The following SLC24A2 variants were observed in gnomAD, a reference collection of about 807,000 sequenced individuals.
SLC24A2 encodes sodium/potassium/calcium exchanger 2.
SLC24A2 carries 36 observed loss-of-function variants against 62.0 expected under a neutral mutation model. That is an observed-to-expected ratio of 0.58 (90% CI 0.44 to 0.77). The LOEUF (loss-of-function observed/expected upper bound fraction) is 0.77. Among genes scored for constraint, SLC24A2 ranks in the 30% least tolerant of loss-of-function variants. SLC24A2 has a pLI of 0.00. For missense variants in SLC24A2, 846 were observed against 817.9 expected (o/e 1.03, Z -0.42); for synonymous variants, 358 against 294.0 (o/e 1.22, Z -2.23).
At chr9:19,720,549 T>C (rs1820992417) in intron 2 of SLC24A2, among the ~76,000 whole-genome samples, 1 of 152,148 alleles carries the variant, frequency 6.6e-6, no homozygotes, top group Admixed American at 6.5e-5. Context: ...TCCCTGAGCG[T>C]TGTTAAACTG....
At chr9:19,611,828 G>C (rs1031981462) in intron 4 of SLC24A2, among the ~76,000 whole-genome samples, 2 of 152,156 alleles carry the variant, frequency 1.3e-5, no homozygotes, top group African/African-American at 4.8e-5. Context: ...GACTCTAACT[G>C]GGCTCTACTA....
Position 19,509,253 on chromosome 9 carries a change from C to G in SLC24A2, c.*6900G>C, listed in dbSNP as rs976707968. On this transcript the variant is annotated 3_prime_UTR_variant, in exon 11 of 11. Transcript: ENST00000341998. ...AACTTGCTAAAGAAACTGTAATAAG[C>G]TATTTTGAAAACGAAGACTGCTTTT... The G allele has an allele frequency of 2.0e-4, 30 of 152,212 alleles. No homozygotes were observed. Among genetic ancestry groups the G allele is most frequent in the African/African-American group, 7.0e-4 (29 of 41,532 alleles). The allele number at this position is 152,212 out of a possible 1,614,324, so 9.4% of individuals were successfully genotyped here. A position where few individuals can be genotyped will look rare whatever the true frequency, so the allele number is the denominator to read the frequency against.
At chr9:19,551,816 A>T (rs1362131335) in intron 7 of SLC24A2, among the ~76,000 whole-genome samples, 1 of 152,118 alleles carries the variant, frequency 6.6e-6, no homozygotes, top group East Asian at 1.9e-4. Context: ...GGCAAAACTG[A>T]GGTACTGCAG....
chr9:20,096,671 A>G, the SLC24A2 span, among the ~76,000 whole-genome samples: 1 of 152,176 alleles, frequency 6.6e-6, no homozygotes, highest in South Asian at 2.1e-4. Context: ...ACAAGAAAAC[A>G]TTATTTTAGA....
chr9:19,525,391 C>CTTTT (rs572919824), intron 9 of SLC24A2, among the ~76,000 whole-genome samples: 2,035 of 76,150 alleles, frequency 0.027, 137 homozygotes, highest in East Asian at 0.051. Flanking sequence ...TATTTCTTTA[C>CTTTT]TTTTTTTTTT....
the SLC24A2 span, among the ~76,000 whole-genome samples, chr9:19,954,810 A>C: frequency 6.6e-6 from 1 of 152,118 alleles, no homozygotes; most frequent in Admixed American, 6.5e-5. Context: ...TGGAGAAGTT[A>C]TCCTCTTCTG....
chr9:19,578,358 C>CAAAAAAAAAA (rs3085616), intron 5 of SLC24A2, among the ~76,000 whole-genome samples: 1 of 135,642 alleles, frequency 7.4e-6, no homozygotes. Flanking sequence ...TGCAATAAGC[C>CAAAAAAAAAA]AAAAAAAAAA....
rs553568784 is a variant in SLC24A2, at chr9:19,704,364, T to G, written c.930+81573A>C. On this transcript the variant is annotated intron_variant, in intron 2 of 10. Coordinates refer to ENST00000341998, the MANE Select transcript of SLC24A2 (RefSeq NM_020344.4). ...GTAAATTTTAAAAAATATGCATACA[T>G]TCACACATAAGAGAAGGAAATAGGG... is the stretch of plus-strand genomic sequence containing the variant. 9.5e-4 allele frequency among the ~76,000 whole-genome samples: 144 copies of G among 151,674 alleles called. 1 individual carries two copies. Among genetic ancestry groups the G allele is most frequent in the African/African-American group, 3.4e-3 (138 of 41,178 alleles).
At chr9:19,591,945 T>A (rs1193153089) in intron 5 of SLC24A2, among the ~76,000 whole-genome samples, 1 of 152,248 alleles carries the variant, frequency 6.6e-6, no homozygotes, top group African/African-American at 2.4e-5. Context: ...AGGTCACAGA[T>A]AACAAGAAGG....
At chr9:19,778,489 G>C (rs1822911814) in intron 2 of SLC24A2, among the ~76,000 whole-genome samples, 1 of 152,194 alleles carries the variant, frequency 6.6e-6, no homozygotes, top group Non-Finnish European at 1.5e-5. Context: ...CGCAAAGGGA[G>C]ATGGTAGGAT....
the SLC24A2 span, among the ~76,000 whole-genome samples, chr9:20,030,365 A>G: frequency 6.6e-6 from 1 of 152,240 alleles, no homozygotes; most frequent in Non-Finnish European, 1.5e-5. Context: ...AGGGGAAGTC[A>G]TATCTGAGGT....
chr9:19,956,919 A>T, the SLC24A2 span, among the ~76,000 whole-genome samples: 6 of 152,172 alleles, frequency 3.9e-5, no homozygotes, highest in South Asian at 1.2e-3. Flanking sequence ...AGCTGTCTAT[A>T]CACCAGGAAG....
the SLC24A2 span, among the ~76,000 whole-genome samples, chr9:20,207,322 A>G: frequency 6.6e-6 from 1 of 152,212 alleles, no homozygotes; most frequent in Admixed American, 6.5e-5. Context: ...TTACCCCTGT[A>G]GCCTCACGAC....
the SLC24A2 span, among the ~76,000 whole-genome samples, chr9:20,227,765 G>T: frequency 6.6e-6 from 1 of 152,026 alleles, no homozygotes; most frequent in Non-Finnish European, 1.5e-5. Context: ...ATTGCCTAAA[G>T]TTTTCCCATG....
At chr9:20,213,342 A>C in the SLC24A2 span, among the ~76,000 whole-genome samples, 3 of 151,868 alleles carry the variant, frequency 2.0e-5, no homozygotes, top group Non-Finnish European at 4.4e-5. Flanking sequence ...CATCAGACAA[A>C]AATTTATATT....
At chr9:20,045,289 T>C in the SLC24A2 span, among the ~76,000 whole-genome samples, 1 of 152,152 alleles carries the variant, frequency 6.6e-6, no homozygotes. Context: ...AAGCACAGAT[T>C]TCTCAGAGAG....
intron 2 of SLC24A2, among the ~76,000 whole-genome samples, chr9:19,773,632 G>A (rs922290695): frequency 2.6e-5 from 4 of 152,180 alleles, no homozygotes; most frequent in African/African-American, 9.7e-5. Context: ...AGCATTAAGC[G>A]CCCTTTGGCC....
chr9:19,637,733 T>C (rs1294277731), intron 2 of SLC24A2, among the ~76,000 whole-genome samples: 1 of 152,234 alleles, frequency 6.6e-6, no homozygotes, highest in Non-Finnish European at 1.5e-5. Flanking sequence ...CTCAAAGTGA[T>C]GGAGCAACCG....
At chr9:20,239,131 A>T in the SLC24A2 span, among the ~76,000 whole-genome samples, 1 of 152,230 alleles carries the variant, frequency 6.6e-6, no homozygotes, top group Non-Finnish European at 1.5e-5. Flanking sequence ...CTAATACAAC[A>T]TCCTATCCAA....
Sources: allele counts gnomAD v4.1 joint callset (sites outside exome capture counted in the v4.1 genomes callset), GRCh38; gene constraint gnomAD v4.1.1; transcripts MANE v1.5; gene names NCBI Gene and HGNC (gene_info 2026-07-23, HGNC 2026-07-21).